C2orf66: variants seen among roughly 807,000 people sequenced by gnomAD.
C2orf66 encodes uncharacterized protein C2orf66.
C2orf66 carries 6 observed loss-of-function variants against 7.0 expected under a neutral mutation model. That is an observed-to-expected ratio of 0.86 (90% confidence interval 0.47 to 1.69). The LOEUF (loss-of-function observed/expected upper bound fraction) is 1.69. Among genes scored for constraint, C2orf66 ranks in the 40% most tolerant of loss-of-function variants. The probability of loss-of-function intolerance (pLI) is 0.01; values close to 1 mark genes in which losing one functional copy is unlikely to be tolerated. For missense variants in C2orf66, 107 were observed against 112.0 expected (o/e 0.96, Z 0.20); for synonymous variants, 38 against 43.8 (o/e 0.87, Z 0.52).
At chr2:196,809,658 T>A (rs1489628425), upstream of C2orf66, 29 of 265,312 alleles carry the variant, frequency 1.1e-4, no homozygotes, top group East Asian at 1.9e-3. Context: ...TACTTTGTTG[T>A]CTCCAAAGAA....
At chr2:196,817,026 G>A in the C2orf66 span, among the ~76,000 whole-genome samples, 1 of 152,044 alleles carries the variant, frequency 6.6e-6, no homozygotes, top group Non-Finnish European at 1.5e-5. Flanking sequence ...AAAAGGGGAG[G>A]GGGTGCAAGA....
the C2orf66 span, among the ~76,000 whole-genome samples, chr2:196,827,545 C>T: frequency 6.6e-6 from 1 of 152,110 alleles, no homozygotes; most frequent in Non-Finnish European, 1.5e-5. Context: ...ATGTACAATG[C>T]TGTATTTCCT....
At chr2:196,823,927 C>G in the C2orf66 span, among the ~76,000 whole-genome samples, 2 of 152,022 alleles carry the variant, frequency 1.3e-5, no homozygotes, top group Non-Finnish European at 2.9e-5. Flanking sequence ...ATATGGAATT[C>G]AGGAAGCAAA....
the C2orf66 span, among the ~76,000 whole-genome samples, chr2:196,825,545 T>C: frequency 6.6e-6 from 1 of 152,202 alleles, no homozygotes; most frequent in African/African-American, 2.4e-5. Flanking sequence ...AAACATCATG[T>C]TGTACAGCTT....
chr2:196,807,352 T>A, intron 2 of C2orf66, 72 bp downstream of exon 2: 2 of 881,338 alleles, frequency 2.3e-6, no homozygotes, highest in East Asian at 2.6e-5. Context: ...TTCAAATAAA[T>A]ACTTTCAAAA....
chr2:196,831,167 C>T, the C2orf66 span, among the ~76,000 whole-genome samples: 2 of 152,170 alleles, frequency 1.3e-5, no homozygotes, highest in Non-Finnish European at 2.9e-5. Flanking sequence ...CAGAGGGAGT[C>T]TCTTTGGCTC....
At chr2:196,812,335 A>G (rs535185921), upstream of C2orf66, among the ~76,000 whole-genome samples, 1 of 152,232 alleles carries the variant, frequency 6.6e-6, no homozygotes, top group African/African-American at 2.4e-5. Flanking sequence ...AAACCACAAC[A>G]TGATTTGTCT....
intron 2 of C2orf66, 67 bp downstream of exon 2, chr2:196,807,357 T>C: frequency 2.1e-6 from 2 of 935,946 alleles, no homozygotes; most frequent in Non-Finnish European, 3.3e-6. Flanking sequence ...ATAAATACTT[T>C]CAAAATATCT....
At chr2:196,824,662 C>G in the C2orf66 span, among the ~76,000 whole-genome samples, 1 of 152,132 alleles carries the variant, frequency 6.6e-6, no homozygotes, top group Non-Finnish European at 1.5e-5. Context: ...CCTTTGCTGT[C>G]GTGAAGTAAT....
chr2:196,820,807 G>T, the C2orf66 span, among the ~76,000 whole-genome samples: 2 of 152,182 alleles, frequency 1.3e-5, no homozygotes, highest in Non-Finnish European at 2.9e-5. Context: ...CTGAGAATTT[G>T]GGCTTCCTAA....
rs761714946 is a variant in C2orf66, at chr2:196,807,520, G to T, written c.226C>A (p.Gln76Lys). Residue 76 changes from glutamine to lysine, a missense_variant, in exon 2 of 3, where the codon CAG (glutamine) becomes AAG (lysine). Transcript: ENST00000342506. Reference protein sequence around the residue: ...TNENPRPLSFQSELTASASAD... With the variant: ...TNENPRPLSFKSELTASASAD... ...GATGCAGAAGCAGTAAGTTCTGACTGGAAAGAGAGAGGTCTAGGATTTTCA... is the reference window on the plus strand; with the variant it reads ...GATGCAGAAGCAGTAAGTTCTGACTTGAAAGAGAGAGGTCTAGGATTTTCA... The T allele has an allele frequency of 1.2e-6, 2 of 1,613,486 alleles. No individual in the cohort carries two copies. The highest frequency in any genetic ancestry group is 8.5e-7 in the Non-Finnish European group (1 of 1,179,502).
At chr2:196,807,382 T>C in intron 2 of C2orf66, 42 bp downstream of exon 2, 1 of 1,128,514 alleles carries the variant, frequency 8.9e-7, no homozygotes, top group Non-Finnish European at 1.3e-6. Flanking sequence ...TATGGCTGAC[T>C]TGTATGTTTG....
Position 196,809,312 on chromosome 2 carries a change from G to T in C2orf66, c.25C>A (p.Leu9Ile). MTRAPLLLLCVALVLLGHV... is the reference protein window; with the variant it reads MTRAPLLLICVALVLLGHV... ...CCAAGCAGCACCAGGGCAACACATA[G>T]TAGCAGGAGAGGTGCTCTGGTCATG... The change falls in exon 1 of 3, where the codon CTA (leucine) becomes ATA (isoleucine). Residue 9 changes from leucine (L) to isoleucine (I), a missense_variant. Physicochemically the swap from Leu to Ile is conservative, Grantham distance 5. Transcript: ENST00000342506. 6.2e-7 allele frequency: 1 copy of T among 1,614,120 alleles called. No homozygotes were observed. The highest frequency in any genetic ancestry group is 8.5e-7 in the Non-Finnish European group (1 of 1,179,990).
intron 2 of C2orf66, 86 bp downstream of exon 2, chr2:196,807,338 T>C: frequency 1.3e-6 from 1 of 774,910 alleles, no homozygotes; most frequent in Non-Finnish European, 2.1e-6. Context: ...AATAAAATTA[T>C]GTTTTCAAAT....
At chr2:196,810,394 A>G (rs1699863016), upstream of C2orf66, 1 of 152,206 alleles carries the variant, frequency 6.6e-6, no homozygotes. Context: ...TTTGACCTAT[A>G]CCTTGTACTT....
chr2:196,822,165 G>A, the C2orf66 span, among the ~76,000 whole-genome samples: 645 of 151,538 alleles, frequency 4.3e-3, 5 homozygotes, highest in Non-Finnish European at 6.7e-3. Flanking sequence ...TGCCCGCCTT[G>A]GCCTCCCAAA....
chr2:196,809,544 A>G, upstream of C2orf66: 1 of 576,912 alleles, frequency 1.7e-6, no homozygotes. Context: ...TGATTAGCTT[A>G]AAGTAGCCCA....
At chr2:196,808,052 C>T (rs988197597) in intron 1 of C2orf66, among the ~76,000 whole-genome samples, 2 of 152,146 alleles carry the variant, frequency 1.3e-5, no homozygotes, top group Non-Finnish European at 2.9e-5. Context: ...AGAAGATGTG[C>T]GAAGTGCTAC....
At chr2:196,825,045 C>T in the C2orf66 span, among the ~76,000 whole-genome samples, 162 of 152,038 alleles carry the variant, frequency 1.1e-3, no homozygotes, top group East Asian at 0.019. Flanking sequence ...ACTAGCCTGG[C>T]TAACACAGTG....
Sources: allele counts gnomAD v4.1 joint callset (sites outside exome capture counted in the v4.1 genomes callset), GRCh38; gene constraint gnomAD v4.1.1; transcripts MANE v1.5; gene names NCBI Gene and HGNC (gene_info 2026-07-23, HGNC 2026-07-21).